Variants in SV2B observed in about 807,000 individuals in gnomAD.
SV2B encodes the protein solute carrier family 22 member B2.
A neutral mutation model predicts 73.9 loss-of-function variants in SV2B; 41 were observed. The ratio of observed to expected loss-of-function variants is 0.56; its 90% confidence interval spans 0.43 to 0.72. The LOEUF (loss-of-function observed/expected upper bound fraction) is 0.72. Among genes scored for constraint, SV2B ranks in the 30% least tolerant of loss-of-function variants. SV2B has a pLI of 0.00. For synonymous variants in SV2B, 314 were observed against 314.2 expected (o/e 1.00, Z 0.01); for missense variants, 764 against 857.8 (o/e 0.89, Z 1.37).
At chr15:91,200,833 C>A (rs1021182809) in intron 1 of SV2B, among the ~76,000 whole-genome samples, 1 of 152,104 alleles carries the variant, frequency 6.6e-6, no homozygotes, top group African/African-American at 2.4e-5. Flanking sequence ...AAGGCTTGAG[C>A]CCAAGAGTTC....
intron 1 of SV2B, among the ~76,000 whole-genome samples, chr15:91,163,046 G>C (rs575546787): frequency 1.4e-3 from 219 of 152,186 alleles, no homozygotes; most frequent in African/African-American, 5.1e-3. Flanking sequence ...AATTTGCTCA[G>C]AATGATGGTT....
chr15:91,204,556 C>CTTTTTTT (rs568973449), intron 1 of SV2B, among the ~76,000 whole-genome samples: 4 of 127,822 alleles, frequency 3.1e-5, no homozygotes, highest in African/African-American at 5.8e-5. Context: ...TCTTCTTCTT[C>CTTTTTTT]TTTTTTTTTT....
At position 91,197,377 on chromosome 15, in the gene SV2B, C is replaced by T. The variant is rs183470152; in HGVS notation, c.-391-28496C>T. The stretch of plus-strand genomic sequence containing the variant: ...CCGAGTAGCTGGGATTACAGGGGTC[C>T]GCCACCACACCTGTTTTTATATTTT... On this transcript the variant is annotated intron_variant, in intron 1 of 12. Coordinates refer to ENST00000394232, the MANE Select transcript of SV2B (RefSeq NM_001323032.3). This position sits in a 1 kb window ranked among gnomAD's most constrained non-coding sequence, Gnocchi z 4.9. 2.3e-3 allele frequency among the ~76,000 whole-genome samples: 347 copies of T among 151,824 alleles called. No homozygotes were observed. Among genetic ancestry groups the T allele is most frequent in the African/African-American group, 8.1e-3 (334 of 41,432 alleles).
intron 9 of SV2B, among the ~76,000 whole-genome samples, chr15:91,278,915 T>C (rs545846563): frequency 2.4e-4 from 37 of 152,142 alleles, no homozygotes; most frequent in Non-Finnish European, 5.4e-4. Flanking sequence ...AATATTTATG[T>C]GTGTGAACTT....
At chr15:91,161,044 A>G (rs2043696952) in intron 1 of SV2B, among the ~76,000 whole-genome samples, 1 of 152,320 alleles carries the variant, frequency 6.6e-6, no homozygotes, top group African/African-American at 2.4e-5. Flanking sequence ...GCTAAATGAA[A>G]GAAGCTAAAC....
In SV2B at chr15:91,252,331, T is replaced by C. The variant is rs765131761; in HGVS notation, c.633-38T>C. ...TTCTGCTGTGACCATTTTTAGTGTA[T>C]GACTTGATTCTTTCTCTCTGGCATT... On this transcript the variant is annotated intron_variant, in intron 3 of 12. Transcript: ENST00000394232. This position sits in a 1 kb window ranked among gnomAD's most constrained non-coding sequence, Gnocchi z 4.6. 1 of 1,576,622 alleles carries C rather than the reference T, an allele frequency of 6.3e-7. No individual in the cohort carries two copies. The highest frequency in any genetic ancestry group is 8.6e-7 in the Non-Finnish European group (1 of 1,159,560).
In SV2B at chr15:91,239,134, T is replaced by C. The variant is rs1269076763; in HGVS notation, c.451+12420T>C. On this transcript the variant is annotated intron_variant, in intron 2 of 12. Coordinates refer to ENST00000394232, the MANE Select transcript of SV2B (RefSeq NM_001323032.3). The surrounding 1 kb of genome is among the most constrained non-coding windows in gnomAD (Gnocchi z 5.1). ...CCTGGAAATGTAATAGCCTTTGAAA[T>C]GCCCCATGGGGTCCACTGAACAGGC... Among the ~76,000 whole-genome samples, 1 of 152,106 alleles carries C rather than the reference T, an allele frequency of 6.6e-6. No individual in the cohort carries two copies. Among genetic ancestry groups the C allele is most frequent in the Non-Finnish European group, 1.5e-5 (1 of 68,016 alleles).
Position 91,240,133 on chromosome 15 carries a change from A to G in SV2B, c.452-11686A>G, listed in dbSNP as rs1248247116. Among the ~76,000 whole-genome samples the G allele has an allele frequency of 1.3e-5, 2 of 152,220 alleles. No individual in the cohort carries two copies. The highest frequency in any genetic ancestry group is 6.5e-5 in the Admixed American group (1 of 15,278). Reference sequence around the variant, plus strand: ...AAGAGGGAAAAGGGCTGTTGGGAACATGACCAACAGAGTCTATTGCAGGCA... The same window carrying G: ...AAGAGGGAAAAGGGCTGTTGGGAACGTGACCAACAGAGTCTATTGCAGGCA... On this transcript the variant is annotated intron_variant, in intron 2 of 12. Coordinates refer to ENST00000394232, the MANE Select transcript of SV2B (RefSeq NM_001323032.3). This position sits in a 1 kb window ranked among gnomAD's most constrained non-coding sequence, Gnocchi z 4.6.
chr15:91,235,325 A>G (rs1447072875), intron 2 of SV2B, among the ~76,000 whole-genome samples: 2 of 152,216 alleles, frequency 1.3e-5, no homozygotes, highest in African/African-American at 4.8e-5. Flanking sequence ...AGAGATTTAC[A>G]TCTTTACACA....
Position 91,137,037 on chromosome 15 carries a change from A to G in SV2B, c.-392+36674A>G, listed in dbSNP as rs556659074. On this transcript the variant is annotated intron_variant, in intron 1 of 12. Transcript: ENST00000394232. This position sits in a 1 kb window ranked among gnomAD's most constrained non-coding sequence, Gnocchi z 4.9. ...AAGCACTGGTATGTGATTTTTAGGGAAGAGTATGAATGATGCAACTTGTAA... is the reference window on the plus strand; with the variant it reads ...AAGCACTGGTATGTGATTTTTAGGGGAGAGTATGAATGATGCAACTTGTAA... Among the ~76,000 whole-genome samples, 6 of 152,288 alleles carry G rather than the reference A, an allele frequency of 3.9e-5. No homozygotes were observed. In the East Asian group the frequency reaches 9.6e-4, roughly 24 times the overall value.
intron 1 of SV2B, among the ~76,000 whole-genome samples, chr15:91,155,622 C>CGAGG (rs1049039560): frequency 1.3e-5 from 2 of 151,938 alleles, no homozygotes; most frequent in Non-Finnish European, 2.9e-5. Context: ...ACCAGAGATC[C>CGAGG]GAGGGTCAGG....
intron 1 of SV2B, among the ~76,000 whole-genome samples, chr15:91,204,404 T>C (rs2141396280): frequency 6.6e-6 from 1 of 152,272 alleles, no homozygotes; most frequent in East Asian, 1.9e-4. Context: ...AGATAGCACA[T>C]GAAGATGATG....
At chr15:91,273,080 C>T (rs1413212897) in intron 9 of SV2B, among the ~76,000 whole-genome samples, 1 of 151,956 alleles carries the variant, frequency 6.6e-6, no homozygotes, top group African/African-American at 2.4e-5. Context: ...TGATCCGCCC[C>T]CCTCGGCCTC....
chr15:91,200,892 T>C (rs1447985316), intron 1 of SV2B, among the ~76,000 whole-genome samples: 3 of 152,150 alleles, frequency 2.0e-5, no homozygotes, highest in Non-Finnish European at 4.4e-5. Flanking sequence ...GCCTCGGTGA[T>C]GGAGAACCTG....
chr15:91,270,928 C>T lies in SV2B; in HGVS notation c.1373+2323C>T, dbSNP rs866138085. ...GTGAGTCCTGTGGACGATGGGAGGA[C>T]GGTGAGTCCTGTGGACGATGGGAGG... On this transcript the variant is annotated intron_variant, in intron 9 of 12. Transcript: ENST00000394232. Among the ~76,000 whole-genome samples, 71 of 130,954 alleles carry T rather than the reference C, an allele frequency of 5.4e-4. 3 individuals are homozygous for T. Among genetic ancestry groups the T allele is most frequent in the African/African-American group, 1.8e-3 (57 of 31,500 alleles). 85.9% of individuals were successfully genotyped at this position (130,954 alleles called of 152,430 possible).
chr15:91,260,328 A>G lies in SV2B; in HGVS notation c.927A>G (p.Lys309=). ...TTCCTTGGTTTCACCAGATGGGCAA[A>G]CATGATGAAGCCTGGATGATTCTCA... ...ESPRFLLEMG[K]HDEAWMILKQ... The change falls in exon 6 of 13, where the codon AAA becomes AAG. Residue 309 remains lysine, a synonymous_variant. Coordinates refer to ENST00000394232, the MANE Select transcript of SV2B (RefSeq NM_001323032.3). 6.2e-7 allele frequency: 1 copy of G among 1,610,180 alleles called. No homozygotes were observed. Among genetic ancestry groups the G allele is most frequent in the Non-Finnish European group, 8.5e-7 (1 of 1,179,006 alleles).
chr15:91,222,038 C>T (rs2046237075), intron 1 of SV2B, among the ~76,000 whole-genome samples: 1 of 152,180 alleles, frequency 6.6e-6, no homozygotes, highest in Admixed American at 6.5e-5. Context: ...GCCTCCATGC[C>T]TCTGCATAGC....
intron 9 of SV2B, among the ~76,000 whole-genome samples, chr15:91,270,641 C>T (rs1452224877): frequency 6.6e-6 from 1 of 152,238 alleles, no homozygotes; most frequent in Non-Finnish European, 1.5e-5. Flanking sequence ...GCAGTTCTGA[C>T]ACTTAGCTAG....
intron 9 of SV2B, among the ~76,000 whole-genome samples, chr15:91,271,602 A>G (rs2141707335): frequency 6.6e-6 from 1 of 152,312 alleles, no homozygotes; most frequent in East Asian, 1.9e-4. Flanking sequence ...CACTAAACCT[A>G]TACCCACTAT....
Sources: gnomAD v4.1 joint callset for allele counts (sites outside exome capture counted in the v4.1 genomes callset) on GRCh38, gnomAD v4.1.1 for gene constraint, Gnocchi (gnomAD v3.1) non-coding constraint, MANE v1.5 for transcripts, NCBI Gene and HGNC (gene_info 2026-07-23, HGNC 2026-07-21) for gene names.